The following DMRT1 variants were observed in gnomAD, a reference collection of about 807,000 sequenced individuals.
The protein encoded by DMRT1 is doublesex and mab-3 related transcription factor 1, also known as doublesex- and mab-3-related transcription factor 1.
In DMRT1, 7 loss-of-function variants were observed where a neutral mutation model predicts 32.3. The ratio of observed to expected loss-of-function variants is 0.22; its 90% confidence interval spans 0.12 to 0.41. DMRT1 has a LOEUF of 0.41. Among genes scored for constraint, DMRT1 ranks in the 10% least tolerant of loss-of-function variants. DMRT1 has a pLI of 1.00. For missense variants in DMRT1, 625 were observed against 500.5 expected (o/e 1.25, Z -2.37); for synonymous variants, 278 against 206.1 (o/e 1.35, Z -2.99).
intron 2 of DMRT1, among the ~76,000 whole-genome samples, chr9:878,015 A>G (rs1435170080): frequency 6.6e-6 from 1 of 152,244 alleles, no homozygotes; most frequent in African/African-American, 2.4e-5. Context: ...TAAAACATCC[A>G]GCAACCCTGG....
intron 3 of DMRT1, among the ~76,000 whole-genome samples, chr9:911,470 A>ATTTTTTTTTT (rs201141931): frequency 4.5e-5 from 3 of 66,950 alleles, no homozygotes; most frequent in African/African-American, 1.2e-4. Context: ...GGTTAATTGC[A>ATTTTTTTTTT]TTTTTTTTTT....
intron 1 of DMRT1, among the ~76,000 whole-genome samples, chr9:845,685 C>G (rs1838873895): frequency 6.6e-6 from 1 of 152,124 alleles, no homozygotes; most frequent in Admixed American, 6.5e-5. Flanking sequence ...GACTTCAACA[C>G]CAAATTCCAG....
rs117661247 is a variant in DMRT1, at chr9:868,458, C to G, written c.538+21315C>G. 4.5e-3 allele frequency among the ~76,000 whole-genome samples: 679 copies of G among 152,224 alleles called. 4 individuals carry two copies. The highest frequency in any genetic ancestry group is 8.0e-3 in the Non-Finnish European group (543 of 68,028). ...CACTACTTAGAATAAAAGTGAAGAG[C>G]TGTGTGTCTGGGTTTTTCATGTCAT... On this transcript the variant is annotated intron_variant, in intron 2 of 4. Transcript: ENST00000382276.
intron 4 of DMRT1, among the ~76,000 whole-genome samples, chr9:935,693 T>C (rs1818863708): frequency 6.6e-6 from 1 of 152,234 alleles, no homozygotes; most frequent in Non-Finnish European, 1.5e-5. Flanking sequence ...TGAAAAGCAG[T>C]TGTTACAGCG....
chr9:865,048 G>A (rs137954288), intron 2 of DMRT1, among the ~76,000 whole-genome samples: 67 of 152,322 alleles, frequency 4.4e-4, no homozygotes, highest in African/African-American at 5.1e-4. Context: ...CATGGAATTA[G>A]AATGCACGTT....
At chr9:927,585 C>G (rs1284779156) in intron 4 of DMRT1, among the ~76,000 whole-genome samples, 1 of 152,174 alleles carries the variant, frequency 6.6e-6, no homozygotes, top group Non-Finnish European at 1.5e-5. Context: ...GTTTTCTGAA[C>G]ACTGAAAGTT....
At chr9:961,375 T>A (rs1024479654) in intron 4 of DMRT1, among the ~76,000 whole-genome samples, 7 of 152,222 alleles carry the variant, frequency 4.6e-5, no homozygotes, top group African/African-American at 1.7e-4. Flanking sequence ...ACCTGTGCCA[T>A]GTACTTCCCA....
intron 3 of DMRT1, among the ~76,000 whole-genome samples, chr9:896,425 C>T (rs970023356): frequency 2.0e-5 from 3 of 151,432 alleles, no homozygotes; most frequent in Non-Finnish European, 2.9e-5. Flanking sequence ...ATTATAGGCA[C>T]GCACCACCAC....
chr9:868,244 G>A (rs1816076552), intron 2 of DMRT1, among the ~76,000 whole-genome samples: 1 of 150,586 alleles, frequency 6.6e-6, no homozygotes, highest in Non-Finnish European at 1.5e-5. Context: ...CTCCCAGAGT[G>A]CTGGGATTAC....
At chr9:871,264 G>A (rs1043872943) in intron 2 of DMRT1, among the ~76,000 whole-genome samples, 3 of 151,568 alleles carry the variant, frequency 2.0e-5, no homozygotes, top group Non-Finnish European at 4.4e-5. Context: ...TTGAGCTCGA[G>A]CAATTCTCCA....
At chr9:874,084 G>C (rs1816391361) in intron 2 of DMRT1, among the ~76,000 whole-genome samples, 1 of 152,218 alleles carries the variant, frequency 6.6e-6, no homozygotes. Context: ...TTTGGTAAGT[G>C]AGATTTTAGC....
intron 4 of DMRT1, among the ~76,000 whole-genome samples, chr9:932,918 CT>C (rs796689473): frequency 1.3e-3 from 195 of 144,752 alleles, no homozygotes; most frequent in Non-Finnish European, 1.3e-3. Context: ...TCCAAGCTTT[CT>C]TTTTTTTTTT....
intron 4 of DMRT1, among the ~76,000 whole-genome samples, chr9:936,439 T>C (rs1424237907): frequency 6.6e-6 from 1 of 152,026 alleles, no homozygotes; most frequent in East Asian, 1.9e-4. Flanking sequence ...TCCTGTGAGG[T>C]TATTAGGCTA....
intron 3 of DMRT1, among the ~76,000 whole-genome samples, chr9:912,431 CA>C (rs1210769210): frequency 6.6e-6 from 1 of 152,184 alleles, no homozygotes; most frequent in Non-Finnish European, 1.5e-5. Context: ...CTTGGGGATT[CA>C]TTAAGGATAG....
chr9:854,758 G>A (rs1019744523), intron 2 of DMRT1, among the ~76,000 whole-genome samples: 2 of 136,524 alleles, frequency 1.5e-5, no homozygotes, highest in East Asian at 2.4e-4. Flanking sequence ...AGAGTTTCTA[G>A]CAAAACAAAA....
chr9:855,453 A>G (rs1224975734), intron 2 of DMRT1, among the ~76,000 whole-genome samples: 1 of 152,246 alleles, frequency 6.6e-6, no homozygotes, highest in Non-Finnish European at 1.5e-5. Context: ...ACCTGGCTTT[A>G]TAGTTAATGG....
chr9:842,644 C>T (rs1838736918), intron 1 of DMRT1: 1 of 158,464 alleles, frequency 6.3e-6, no homozygotes, highest in African/African-American at 2.4e-5. Flanking sequence ...GCTTGGGGTC[C>T]TGGGCTCCCG....
At chr9:853,931 G>A (rs145855864) in intron 2 of DMRT1, among the ~76,000 whole-genome samples, 2 of 151,992 alleles carry the variant, frequency 1.3e-5, no homozygotes, top group African/African-American at 4.8e-5. Flanking sequence ...GAGCAGTTAG[G>A]ACTACAGGTG....
At chr9:955,249 T>C (rs535210649) in intron 4 of DMRT1, among the ~76,000 whole-genome samples, 212 of 152,262 alleles carry the variant, frequency 1.4e-3, no homozygotes, top group Non-Finnish European at 2.4e-3. Context: ...GCCACTGGCA[T>C]TGGTGACCAG....
Sources: gnomAD v4.1 joint callset for allele counts (sites outside exome capture counted in the v4.1 genomes callset) on GRCh38, gnomAD v4.1.1 for gene constraint, MANE v1.5 for transcripts, NCBI Gene and HGNC (gene_info 2026-07-23, HGNC 2026-07-21) for gene names.